Variants in SEMA4D observed in about 807,000 individuals in gnomAD.
SEMA4D encodes the protein semaphorin-4D.
Under a neutral mutation model 74.8 loss-of-function variants are expected in SEMA4D, and 22 were observed. The observed-to-expected ratio is 0.29, with a 90% CI of 0.21 to 0.42. The LOEUF is 0.42. Ranked by LOEUF, SEMA4D falls within the 10% of genes least tolerant of loss-of-function variation. The pLI is 1.00. For missense variants in SEMA4D, 937 were observed against 1,118.4 expected (o/e 0.84, Z 2.31); for synonymous variants, 445 against 463.7 (o/e 0.96, Z 0.52).
At chr9:89,403,110 G>A (rs1842559028) in intron 3 of SEMA4D, 94 bp from the exon 4 acceptor site, 2 of 1,417,494 alleles carry the variant, frequency 1.4e-6, no homozygotes, top group Non-Finnish European at 1.9e-6. Flanking sequence ...CTGTCTCAGT[G>A]ACAATGAGCA....
chr9:89,364,237 T>C (rs1296005103), intron 16 of SEMA4D: 1 of 514,394 alleles, frequency 1.9e-6, no homozygotes, highest in African/African-American at 1.9e-5. Context: ...CTTGCAGCGC[T>C]GTGCTGGTTT....
chr9:89,422,409 C>T (rs1157740715), intron 2 of SEMA4D, among the ~76,000 whole-genome samples: 1 of 152,174 alleles, frequency 6.6e-6, no homozygotes, highest in Non-Finnish European at 1.5e-5. Context: ...GGTTGGGGGG[C>T]CCTGCTGGCT....
At chr9:89,392,116 C>G (rs529117506) in intron 8 of SEMA4D, among the ~76,000 whole-genome samples, 99 of 152,314 alleles carry the variant, frequency 6.5e-4, no homozygotes, top group South Asian at 2.9e-3. Flanking sequence ...ATACCATGTC[C>G]CCATCTGATT....
At chr9:89,464,612 G>A (rs1300095463) in intron 1 of SEMA4D, among the ~76,000 whole-genome samples, 1 of 152,216 alleles carries the variant, frequency 6.6e-6, no homozygotes, top group Non-Finnish European at 1.5e-5. Context: ...CAGGGACACT[G>A]AGGACAGGGT....
At chr9:89,364,115 T>C in intron 16 of SEMA4D, 7 of 1,438,120 alleles carry the variant, frequency 4.9e-6, no homozygotes, top group South Asian at 2.6e-5. Context: ...GGCTTCCCCA[T>C]GGCCAGCGGG....
intron 2 of SEMA4D, among the ~76,000 whole-genome samples, chr9:89,438,072 G>C (rs1416774235): frequency 6.6e-6 from 1 of 152,224 alleles, no homozygotes; most frequent in Admixed American, 6.5e-5. Context: ...ACTTTACCCA[G>C]TAGGGCACCC....
At chr9:89,388,250 C>T (rs992737117) in intron 11 of SEMA4D, among the ~76,000 whole-genome samples, 1 of 152,192 alleles carries the variant, frequency 6.6e-6, no homozygotes. Flanking sequence ...CCTGGAAATT[C>T]CCAATTTCTA....
intron 1 of SEMA4D, among the ~76,000 whole-genome samples, chr9:89,478,614 G>A (rs1055561858): frequency 1.3e-5 from 2 of 152,150 alleles, no homozygotes; most frequent in African/African-American, 2.4e-5. Context: ...CATTTACAGA[G>A]AAAGCAAGAA....
chr9:89,444,746 A>G (rs188274641), intron 2 of SEMA4D, among the ~76,000 whole-genome samples: 30 of 152,308 alleles, frequency 2.0e-4, no homozygotes, highest in Non-Finnish European at 3.7e-4. Flanking sequence ...CTTCTTAACA[A>G]ACGCTGGTAC....
intron 9 of SEMA4D, 52 bp from the exon 10 acceptor site, chr9:89,389,099 C>T (rs1424934402): frequency 1.3e-6 from 2 of 1,599,006 alleles, no homozygotes; most frequent in Non-Finnish European, 1.7e-6. Context: ...CCCCTGTGAG[C>T]AAGCACTAAG....
chr9:89,424,454 A>T (rs1847682344), intron 2 of SEMA4D, among the ~76,000 whole-genome samples: 1 of 152,194 alleles, frequency 6.6e-6, no homozygotes, highest in African/African-American at 2.4e-5. Flanking sequence ...CCACGACCAC[A>T]ACATTAGCTT....
At chr9:89,413,311 G>C (rs1043656687) in intron 2 of SEMA4D, among the ~76,000 whole-genome samples, 24 of 152,346 alleles carry the variant, frequency 1.6e-4, no homozygotes, top group African/African-American at 5.8e-4. Flanking sequence ...TTGCCTGTCA[G>C]TACTTGTCAG....
At chr9:89,394,979 C>A (rs1270679755) in intron 6 of SEMA4D, among the ~76,000 whole-genome samples, 3 of 152,224 alleles carry the variant, frequency 2.0e-5, no homozygotes, top group Non-Finnish European at 4.4e-5. Context: ...GTTCAGCAAG[C>A]ACACATATGT....
chr9:89,365,641 G>A (rs1833523557), intron 16 of SEMA4D: 2 of 152,290 alleles, frequency 1.3e-5, no homozygotes, highest in African/African-American at 4.8e-5. Context: ...AGAACACTGA[G>A]CAGGTAAAAC....
At chr9:89,408,846 T>C (rs1347788227) in intron 2 of SEMA4D, among the ~76,000 whole-genome samples, 1 of 152,218 alleles carries the variant, frequency 6.6e-6, no homozygotes, top group African/African-American at 2.4e-5. Context: ...AGTGCCAAGC[T>C]GTGCACAGCA....
chr9:89,364,611 G>A (rs906059893), intron 16 of SEMA4D: 1 of 156,390 alleles, frequency 6.4e-6, no homozygotes, highest in Non-Finnish European at 1.4e-5. Context: ...GCCCGACATT[G>A]GCCACTTCTG....
At chr9:89,380,089 G>A (rs550507359) in intron 15 of SEMA4D, among the ~76,000 whole-genome samples, 1 of 152,222 alleles carries the variant, frequency 6.6e-6, no homozygotes, top group East Asian at 1.9e-4. Flanking sequence ...CTGGAGTGCA[G>A]TGGTGCAATC....
chr9:89,483,595 T>C (rs1171632095), intron 1 of SEMA4D, among the ~76,000 whole-genome samples: 1 of 152,174 alleles, frequency 6.6e-6, no homozygotes, highest in East Asian at 1.9e-4. Flanking sequence ...AGATGTCACA[T>C]GGGGGTCAGT....
Position 89,389,900 on chromosome 9 carries a change from C to T in SEMA4D, c.775-853G>A, listed in dbSNP as rs140647883. ...GGGGTCTCATGTGGCTTTCAGGTCA[C>T]GGGCAGCAGGTGAAGGGTTCATGTG... On this transcript the variant is annotated intron_variant, in intron 9 of 15. Coordinates refer to ENST00000422704, the MANE Select transcript of SEMA4D (RefSeq NM_001371194.2). 2.2e-3 allele frequency among the ~76,000 whole-genome samples: 330 copies of T among 152,262 alleles called. 2 individuals carry two copies. Among genetic ancestry groups the T allele is most frequent in the African/African-American group, 7.4e-3 (309 of 41,544 alleles).
Sources: gnomAD v4.1 joint callset for allele counts (sites outside exome capture counted in the v4.1 genomes callset) on GRCh38, gnomAD v4.1.1 for gene constraint, MANE v1.5 for transcripts, NCBI Gene and HGNC (gene_info 2026-07-23, HGNC 2026-07-21) for gene names.